Variants in EOGT observed in about 807,000 individuals in gnomAD.
The protein encoded by EOGT is EGF domain specific O-linked N-acetylglucosamine transferase, also known as EGF domain-specific O-linked N-acetylglucosamine transferase.
EOGT carries 55 observed loss-of-function variants against 70.5 expected under a neutral mutation model. That is an observed-to-expected ratio of 0.78 (90% confidence interval 0.63 to 0.98). The LOEUF (loss-of-function observed/expected upper bound fraction) is 0.98, where lower values mean the gene tolerates loss of function less well. Ranked by LOEUF, EOGT falls within the 50% of genes least tolerant of loss-of-function variation. EOGT has a pLI of 0.00. For missense variants in EOGT, 703 were observed against 641.9 expected, an observed-to-expected ratio of 1.10 and a Z score of -1.03; for synonymous variants, 246 against 217.1, an observed-to-expected ratio of 1.13 and a Z score of -1.17.
intron 7 of EOGT, among the ~76,000 whole-genome samples, chr3:69,004,726 C>G (rs1355066717): frequency 1.3e-5 from 2 of 151,938 alleles, no homozygotes; most frequent in Non-Finnish European, 2.9e-5. Context: ...ATCCCCCCAC[C>G]CATTCCCCAA....
At chr3:69,007,225 A>G (rs1236732968) in intron 6 of EOGT, among the ~76,000 whole-genome samples, 1 of 152,220 alleles carries the variant, frequency 6.6e-6, no homozygotes, top group African/African-American at 2.4e-5. Context: ...AAAACAACCT[A>G]TTTGGGGAAG....
intron 4 of EOGT, 60 bp downstream of exon 4, chr3:69,009,577 C>G: frequency 7.3e-7 from 1 of 1,364,162 alleles, no homozygotes; most frequent in Non-Finnish European, 1.0e-6. Flanking sequence ...TAAAGCAGAA[C>G]CTGTAAGCCA....
rs2091528208 is a variant in EOGT, at chr3:69,009,799, C to T, written c.48G>A (p.Leu16=). The T allele has an allele frequency of 7.4e-6, 12 of 1,613,990 alleles. No individual in the cohort carries two copies. The highest frequency in any genetic ancestry group is 1.0e-5 in the Non-Finnish European group (12 of 1,179,996). ...VFGVLLHEVS[L]SGQNEAPPNT... is the part of the protein sequence containing the mutation. ...TAGGAGGAGCTTCATTCTGACCACT[C>T]AGTGAGACTTCATGAAGTAAGACTC... Residue 16 remains leucine (L), a synonymous_variant, in exon 4 of 18, where the codon CTG becomes CTA. Coordinates refer to ENST00000383701, the MANE Select transcript of EOGT (RefSeq NM_001278689.2).
intron 16 of EOGT, among the ~76,000 whole-genome samples, chr3:68,978,941 C>A: frequency 6.7e-6 from 1 of 150,304 alleles, no homozygotes; most frequent in East Asian, 2.3e-4. Context: ...TATTTCTCTA[C>A]ATATATCATA....
intron 3 of EOGT, among the ~76,000 whole-genome samples, chr3:69,011,675 A>G (rs2091582676): frequency 6.6e-6 from 1 of 151,768 alleles, no homozygotes. Flanking sequence ...TTCCAAGGCC[A>G]TGGAATTCTA....
At chr3:68,993,271 A>G (rs1387124350) in intron 10 of EOGT, among the ~76,000 whole-genome samples, 7 of 152,132 alleles carry the variant, frequency 4.6e-5, no homozygotes, top group Admixed American at 3.9e-4. Context: ...CTTTCACAGC[A>G]CCCAAATCAC....
rs375770530 is a variant in EOGT at position 68,984,227 on chromosome 3, T to A, written c.1153-1355A>T. Among the ~76,000 whole-genome samples the A allele has an allele frequency of 3.4e-5, 5 of 149,054 alleles. 1 individual carries two copies. Among genetic ancestry groups the A allele is most frequent in the African/African-American group, 1.2e-4 (5 of 40,754 alleles). On this transcript the variant is annotated intron_variant, in intron 14 of 17. Transcript: ENST00000383701. Reference sequence around the variant, plus strand: ...TCCCCTCTCTCTCTCTCTCTCACACTCACACACACACACACGCACACAGTC... The same window carrying A: ...TCCCCTCTCTCTCTCTCTCTCACACACACACACACACACACGCACACAGTC...
intron 6 of EOGT, among the ~76,000 whole-genome samples, chr3:69,006,707 G>C (rs2091446796): frequency 6.6e-6 from 1 of 152,208 alleles, no homozygotes; most frequent in Non-Finnish European, 1.5e-5. Flanking sequence ...CTCAGGATCT[G>C]AATTGTAGTT....
In EOGT at chr3:68,998,021, A is replaced by G; in HGVS notation, c.821T>C (p.Met274Thr). 1.3e-6 allele frequency: 2 copies of G among 1,549,728 alleles called. No homozygotes were observed. Among genetic ancestry groups the G allele is most frequent in the Non-Finnish European group, 8.8e-7 (1 of 1,139,556 alleles). The change falls in exon 10 of 18, where the codon ATG (methionine) becomes ACG (threonine). Residue 274 changes from methionine (M) to threonine (T), a missense_variant. By Grantham distance (81) the Met-to-Thr change is moderately conservative (BLOSUM62 -1). Transcript: ENST00000383701. ...NSFSTDVYIV[M>T]WDTSSYGYGD... The stretch of plus-strand genomic sequence containing the variant: ...CACATTCTTACTTACGGTGTCCCAC[A>G]TCACGATGTACACGTCAGTACTGAA...
chr3:69,007,149 C>T lies in EOGT; in HGVS notation c.420+564G>A, dbSNP rs539523438. Among the ~76,000 whole-genome samples, 11 of 152,204 alleles carry T rather than the reference C, an allele frequency of 7.2e-5. No individual in the cohort carries two copies. In the East Asian group the frequency reaches 2.1e-3, roughly 29 times the overall value. On this transcript the variant is annotated intron_variant, in intron 6 of 17. Coordinates refer to ENST00000383701, the MANE Select transcript of EOGT (RefSeq NM_001278689.2). Reference sequence around the variant, plus strand: ...AATGATTCTAAACCTAAAAATATTTCGACTGTCTTAAAATATGACTATCTG... The same window carrying T: ...AATGATTCTAAACCTAAAAATATTTTGACTGTCTTAAAATATGACTATCTG...
chr3:69,003,375 G>C (rs1307895004), intron 8 of EOGT, among the ~76,000 whole-genome samples: 2 of 152,164 alleles, frequency 1.3e-5, no homozygotes, highest in Admixed American at 6.5e-5. Context: ...CCCATCATGG[G>C]AGGCACCCGG....
intron 14 of EOGT, among the ~76,000 whole-genome samples, chr3:68,985,229 C>T (rs148172376): frequency 5.4e-4 from 82 of 152,270 alleles, no homozygotes; most frequent in African/African-American, 1.8e-3. Flanking sequence ...CTATTTGATA[C>T]GTTCGTATTT....
At chr3:68,993,966 G>A (rs1489133136) in intron 10 of EOGT, among the ~76,000 whole-genome samples, 2 of 152,168 alleles carry the variant, frequency 1.3e-5, no homozygotes, top group African/African-American at 4.8e-5. Flanking sequence ...CCCACAACAT[G>A]TGGGAATTCT....
intron 10 of EOGT, among the ~76,000 whole-genome samples, chr3:68,994,760 G>C (rs1048999183): frequency 6.6e-6 from 1 of 152,106 alleles, no homozygotes; most frequent in South Asian, 2.1e-4. Context: ...CACTGCACTT[G>C]AGCCTGGGTG....
At chr3:68,997,475 T>G (rs2091182729) in intron 10 of EOGT, among the ~76,000 whole-genome samples, 1 of 151,886 alleles carries the variant, frequency 6.6e-6, no homozygotes, top group African/African-American at 2.4e-5. Flanking sequence ...TTCAAGTGAT[T>G]CTCCGACCAC....
chr3:69,008,406 G>A, intron 5 of EOGT, 22 bp downstream of exon 5: 2 of 1,515,278 alleles, frequency 1.3e-6, no homozygotes, highest in Non-Finnish European at 9.2e-7. Flanking sequence ...ACTTGAAGAG[G>A]GTATTCCATA....
chr3:68,978,479 T>A, intron 16 of EOGT, 44 bp from the exon 17 acceptor site: 1 of 1,392,102 alleles, frequency 7.2e-7, no homozygotes, highest in Non-Finnish European at 9.9e-7. Context: ...TTGTCCAAGG[T>A]TTTTTCCAAA....
chr3:68,993,779 G>C (rs1449778417), intron 10 of EOGT, among the ~76,000 whole-genome samples: 1 of 152,180 alleles, frequency 6.6e-6, no homozygotes, highest in African/African-American at 2.4e-5. Flanking sequence ...GGAGGCCTCA[G>C]AATCATAGTG....
intron 8 of EOGT, 128 bp from the exon 9 acceptor site, chr3:69,001,842 C>T: frequency 1.6e-6 from 1 of 638,860 alleles, no homozygotes; most frequent in South Asian, 1.8e-5. Flanking sequence ...CTATGGACAC[C>T]TGTAACTTCT....
Sources: allele counts gnomAD v4.1 joint callset (sites outside exome capture counted in the v4.1 genomes callset), GRCh38; gene constraint gnomAD v4.1.1; transcripts MANE v1.5; gene names NCBI Gene and HGNC (gene_info 2026-07-23, HGNC 2026-07-21).